The following TMEM163 variants were observed in gnomAD, a reference collection of about 807,000 sequenced individuals.
The protein encoded by TMEM163 is transmembrane protein 163.
Under a neutral mutation model 29.3 loss-of-function variants are expected in TMEM163, and 17 were observed. The observed-to-expected ratio is 0.58, with a 90% CI of 0.40 to 0.87. The LOEUF (loss-of-function observed/expected upper bound fraction) is 0.87, where lower values mean the gene tolerates loss of function less well. TMEM163 is among the 40% of genes least tolerant of loss of function. TMEM163 has a pLI of 0.00. For missense variants in TMEM163, 303 were observed against 381.5 expected (o/e 0.79, Z 1.71); for synonymous variants, 157 against 160.6 (o/e 0.98, Z 0.17).
At chr2:134,499,652 ACT>A (rs1192166150) in intron 5 of TMEM163, among the ~76,000 whole-genome samples, 7 of 152,106 alleles carry the variant, frequency 4.6e-5, no homozygotes, top group Non-Finnish European at 1.0e-4. Flanking sequence ...AATTATTCCC[ACT>A]CTGAGAACCG....
intron 7 of TMEM163, among the ~76,000 whole-genome samples, chr2:134,457,112 A>C (rs1574144445): frequency 6.6e-6 from 1 of 152,276 alleles, no homozygotes; most frequent in African/African-American, 2.4e-5. Context: ...TGTTGGAGCG[A>C]GTATTAGCAC....
At chr2:134,550,460 C>G (rs1680889480) in intron 4 of TMEM163, 110 bp downstream of exon 4, 1 of 1,027,484 alleles carries the variant, frequency 9.7e-7, no homozygotes, top group Non-Finnish European at 1.5e-6. Context: ...TGGGGACCTT[C>G]TTCTCATCAC....
At chr2:134,565,582 A>G (rs563325162) in intron 2 of TMEM163, among the ~76,000 whole-genome samples, 1 of 151,846 alleles carries the variant, frequency 6.6e-6, no homozygotes, top group Non-Finnish European at 1.5e-5. Flanking sequence ...CTCCAGCCTG[A>G]GCGACTGAGG....
intron 2 of TMEM163, among the ~76,000 whole-genome samples, chr2:134,666,599 G>A (rs980519603): frequency 6.6e-6 from 1 of 152,150 alleles, no homozygotes; most frequent in Non-Finnish European, 1.5e-5. Context: ...CCCTCTTCTG[G>A]AACTGAGTAG....
intron 1 of TMEM163, 83 bp from the exon 2 acceptor site, chr2:134,713,402 A>G (rs1043615582): frequency 1.3e-6 from 2 of 1,586,092 alleles, no homozygotes; most frequent in Non-Finnish European, 1.7e-6. Context: ...TTACCCAAAG[A>G]TTGCAAACTA....
intron 2 of TMEM163, among the ~76,000 whole-genome samples, chr2:134,608,561 A>G (rs1682415697): frequency 2.4e-5 from 1 of 41,496 alleles, no homozygotes; most frequent in African/African-American, 1.2e-4. Flanking sequence ...ACAGACCCCG[A>G]GAACTGTGCT....
intron 2 of TMEM163, among the ~76,000 whole-genome samples, chr2:134,649,996 C>A (rs1009013823): frequency 7.8e-6 from 1 of 128,960 alleles, no homozygotes; most frequent in African/African-American, 3.1e-5. Context: ...CAGAGTGAGA[C>A]CCTGTCTTAA....
At chr2:134,458,370 G>A (rs547177) in intron 6 of TMEM163, 197 bp from the exon 7 acceptor site, 195,303 of 598,624 alleles carry the variant, frequency 0.33, 36,418 homozygotes, top group South Asian at 0.56. Context: ...GAATAGAGCC[G>A]TCACCCCCAC....
At position 134,488,222 on chromosome 2, in the gene TMEM163, G is replaced by A. The variant is rs185848486; in HGVS notation, c.555+14679C>T. Among the ~76,000 whole-genome samples, 223 of 152,360 alleles carry A rather than the reference G, an allele frequency of 1.5e-3. 1 individual carries two copies. The highest frequency in any genetic ancestry group is 4.7e-3 in the African/African-American group (194 of 41,586). ...GTGTGTCTGTGAGGGTGTTCACAAA[G>A]GAGATTAACATTTTATCTTGAACTC... On this transcript the variant is annotated intron_variant, in intron 5 of 7. Transcript: ENST00000281924.
intron 2 of TMEM163, among the ~76,000 whole-genome samples, chr2:134,566,903 C>T (rs1024296703): frequency 5.3e-5 from 8 of 152,084 alleles, no homozygotes; most frequent in African/African-American, 7.2e-5. Context: ...AGATGTGTAA[C>T]GCTGCAAAAT....
intron 2 of TMEM163, among the ~76,000 whole-genome samples, chr2:134,556,000 C>T (rs1158983999): frequency 6.6e-6 from 1 of 152,150 alleles, no homozygotes; most frequent in African/African-American, 2.4e-5. Context: ...GAACCTGTGC[C>T]AAGTTTTTTG....
At chr2:134,546,584 C>CA (rs1465843076) in intron 4 of TMEM163, among the ~76,000 whole-genome samples, 1 of 149,610 alleles carries the variant, frequency 6.7e-6, no homozygotes, top group Admixed American at 6.7e-5. Context: ...GCGGAGCTTG[C>CA]AGTGAGCCAA....
intron 4 of TMEM163, among the ~76,000 whole-genome samples, chr2:134,506,331 G>A (rs599076): frequency 0.62 from 94,705 of 152,056 alleles, 31,760 homozygotes; most frequent in East Asian, 0.96. Flanking sequence ...TATTATTAGC[G>A]GAGGGCACGG....
chr2:134,660,967 G>A (rs1400300724), intron 2 of TMEM163, among the ~76,000 whole-genome samples: 1 of 152,210 alleles, frequency 6.6e-6, no homozygotes, highest in African/African-American at 2.4e-5. Flanking sequence ...GGTGTTGGGA[G>A]GTGGGGCCTT....
At chr2:134,562,766 C>T (rs1346892974) in intron 2 of TMEM163, among the ~76,000 whole-genome samples, 2 of 152,136 alleles carry the variant, frequency 1.3e-5, no homozygotes, top group Admixed American at 6.5e-5. Flanking sequence ...CCCTTTTGTC[C>T]TCTCTCCTCA....
At chr2:134,562,447 G>A (rs1007878837) in intron 2 of TMEM163, among the ~76,000 whole-genome samples, 3 of 152,134 alleles carry the variant, frequency 2.0e-5, no homozygotes, top group African/African-American at 4.8e-5. Flanking sequence ...CTAACACTAC[G>A]GGCAAGAAGA....
chr2:134,640,929 A>T (rs140028254), intron 2 of TMEM163, among the ~76,000 whole-genome samples: 88 of 152,386 alleles, frequency 5.8e-4, no homozygotes, highest in African/African-American at 1.9e-3. Flanking sequence ...GAATAGTTGT[A>T]GATAAAGCTG....
At chr2:134,595,848 G>C (rs1401908562) in intron 2 of TMEM163, among the ~76,000 whole-genome samples, 2 of 152,144 alleles carry the variant, frequency 1.3e-5, no homozygotes, top group East Asian at 1.9e-4. Context: ...GTTTTGATTT[G>C]CATTTCTCTG....
chr2:134,497,691 G>C (rs553424381), intron 5 of TMEM163, among the ~76,000 whole-genome samples: 1 of 152,212 alleles, frequency 6.6e-6, no homozygotes, highest in Non-Finnish European at 1.5e-5. Context: ...ACTGGGTACT[G>C]CATCCATTTT....
Sources: gnomAD v4.1 joint callset for allele counts (sites outside exome capture counted in the v4.1 genomes callset) on GRCh38, gnomAD v4.1.1 for gene constraint, MANE v1.5 for transcripts, NCBI Gene and HGNC (gene_info 2026-07-23, HGNC 2026-07-21) for gene names.